Variants in CSMD3 observed in about 807,000 individuals in gnomAD.
CSMD3 encodes CUB and Sushi multiple domains 3, also known as CUB and sushi domain-containing protein 3.
Under a neutral mutation model 435.2 loss-of-function variants are expected in CSMD3, and 177 were observed. That is an observed-to-expected ratio of 0.41 (90% confidence interval 0.36 to 0.46). CSMD3 has a LOEUF of 0.46. Among genes scored for constraint, CSMD3 ranks in the 20% least tolerant of loss-of-function variants. CSMD3 has a pLI of 0.34. For missense variants in CSMD3, 4,265 were observed against 4,504.6 expected, an observed-to-expected ratio of 0.95 and a Z score of 1.52; for synonymous variants, 1,656 against 1,520.5, an observed-to-expected ratio of 1.09 and a Z score of -2.07.
intron 5 of CSMD3, among the ~76,000 whole-genome samples, chr8:113,051,166 C>T (rs886092444): frequency 1.3e-5 from 2 of 152,110 alleles, no homozygotes; most frequent in South Asian, 2.1e-4. Flanking sequence ...TAAATAAATG[C>T]TGTATTTCTG....
chr8:112,281,156 T>C lies in CSMD3; in HGVS notation c.9508+18A>G, dbSNP rs753898213. Reference sequence around the variant, plus strand: ...TTTCATATAATTACTGATTTTTAAATATTGAGAATATACTTACTTGTACAG... The same window carrying C: ...TTTCATATAATTACTGATTTTTAAACATTGAGAATATACTTACTTGTACAG... On this transcript the variant is annotated intron_variant, in intron 59 of 70. Transcript: ENST00000297405. The C allele has an allele frequency of 6.4e-7, 1 of 1,570,936 alleles. No individual in the cohort carries two copies.
chr8:112,765,328 C>A (rs144855806), intron 13 of CSMD3, among the ~76,000 whole-genome samples: 2 of 151,170 alleles, frequency 1.3e-5, no homozygotes, highest in Admixed American at 1.3e-4. Flanking sequence ...TTGAGAAATA[C>A]GGAAGGGCTG....
intron 1 of CSMD3, among the ~76,000 whole-genome samples, chr8:113,324,344 A>G (rs1434943332): frequency 6.6e-6 from 1 of 152,106 alleles, no homozygotes; most frequent in East Asian, 1.9e-4. Context: ...TTCATGGGCT[A>G]GGCCTAGGGT....
At chr8:113,374,849 C>CAATA (rs2094370904) in intron 1 of CSMD3, among the ~76,000 whole-genome samples, 1 of 21,014 alleles carries the variant, frequency 4.8e-5, no homozygotes, top group African/African-American at 1.2e-4. Flanking sequence ...AAAAAAAAAC[C>CAATA]AATAAAATGA....
chr8:112,855,931 G>A (rs2080644839), intron 11 of CSMD3, among the ~76,000 whole-genome samples: 1 of 150,244 alleles, frequency 6.7e-6, no homozygotes, highest in Non-Finnish European at 1.5e-5. Context: ...TTTTATTCCA[G>A]TTGGAGAAGT....
chr8:113,234,887 C>T (rs962432104), intron 3 of CSMD3, among the ~76,000 whole-genome samples: 3 of 152,028 alleles, frequency 2.0e-5, no homozygotes, highest in African/African-American at 7.2e-5. Flanking sequence ...TTTTCTGGGT[C>T]TGATTCTTTT....
chr8:112,866,826 TTAA>T (rs1470920434), intron 10 of CSMD3, among the ~76,000 whole-genome samples: 1 of 152,196 alleles, frequency 6.6e-6, no homozygotes, highest in Non-Finnish European at 1.5e-5. Flanking sequence ...TATTTTTTAC[TTAA>T]TAGTTTCTAT....
At chr8:112,435,385 C>CT (rs1446674062) in intron 32 of CSMD3, among the ~76,000 whole-genome samples, 2 of 151,936 alleles carry the variant, frequency 1.3e-5, no homozygotes, top group East Asian at 3.9e-4. Context: ...ACAATTGACA[C>CT]TTAGAATTAA....
chr8:112,540,006 AAGGGACTAATAACC>A (rs1247922181), intron 27 of CSMD3, among the ~76,000 whole-genome samples: 3 of 152,096 alleles, frequency 2.0e-5, no homozygotes, highest in Admixed American at 6.6e-5. Flanking sequence ...CCCATCTGAC[AAGGGACTAATAACC>A]AGAATATATA....
At chr8:112,360,983 G>A (rs916696924) in intron 38 of CSMD3, among the ~76,000 whole-genome samples, 1 of 151,734 alleles carries the variant, frequency 6.6e-6, no homozygotes, top group Non-Finnish European at 1.5e-5. Flanking sequence ...ATCTCCAAGT[G>A]GTTAAATATT....
intron 1 of CSMD3, among the ~76,000 whole-genome samples, chr8:113,339,387 C>T (rs1460944197): frequency 6.6e-6 from 1 of 151,918 alleles, no homozygotes; most frequent in Non-Finnish European, 1.5e-5. Flanking sequence ...ATCAAATATG[C>T]TGCCAAATGG....
At chr8:112,327,285 G>A (rs1463349308) in intron 45 of CSMD3, among the ~76,000 whole-genome samples, 1 of 152,000 alleles carries the variant, frequency 6.6e-6, no homozygotes, top group Non-Finnish European at 1.5e-5. Context: ...AAAATAAACA[G>A]GTCTGGTACA....
chr8:113,039,213 AT>A (rs1250866420), intron 5 of CSMD3, among the ~76,000 whole-genome samples: 1 of 152,050 alleles, frequency 6.6e-6, no homozygotes, highest in African/African-American at 2.4e-5. Flanking sequence ...TTGTATTTGC[AT>A]TTTTTCCTAC....
chr8:112,360,730 T>A (rs986828779), intron 38 of CSMD3, among the ~76,000 whole-genome samples: 10 of 151,928 alleles, frequency 6.6e-5, no homozygotes, highest in African/African-American at 1.9e-4. Context: ...AGGAACATAT[T>A]CCCTTCAATT....
chr8:112,448,811 T>C (rs1293042158), intron 32 of CSMD3, among the ~76,000 whole-genome samples: 9 of 150,954 alleles, frequency 6.0e-5, no homozygotes, highest in Admixed American at 5.9e-4. Flanking sequence ...TAGGATTAAT[T>C]GGTTTCTTAC....
intron 13 of CSMD3, among the ~76,000 whole-genome samples, chr8:112,797,108 A>G (rs949207823): frequency 3.7e-4 from 56 of 152,018 alleles, no homozygotes; most frequent in African/African-American, 1.4e-3. Context: ...GATTTAAAGC[A>G]GAAGTTCTAA....
intron 10 of CSMD3, among the ~76,000 whole-genome samples, chr8:112,896,804 A>G (rs1325370084): frequency 1.3e-5 from 2 of 151,492 alleles, no homozygotes; most frequent in African/African-American, 4.8e-5. Context: ...ATCTGAATAT[A>G]TATATCCATA....
intron 13 of CSMD3, among the ~76,000 whole-genome samples, chr8:112,703,510 T>C (rs571526594): frequency 1.3e-5 from 2 of 152,300 alleles, no homozygotes; most frequent in East Asian, 3.9e-4. Flanking sequence ...AACCCTAATT[T>C]TAAATTCAAT....
intron 13 of CSMD3, among the ~76,000 whole-genome samples, chr8:112,796,895 G>T (rs866759467): frequency 1.3e-5 from 2 of 152,058 alleles, no homozygotes; most frequent in Middle Eastern, 6.8e-3. Flanking sequence ...CAAGAGGTTG[G>T]TGGCATTTTA....
Sources: allele counts gnomAD v4.1 joint callset (sites outside exome capture counted in the v4.1 genomes callset), GRCh38; gene constraint gnomAD v4.1.1; transcripts MANE v1.5; gene names NCBI Gene and HGNC (gene_info 2026-07-23, HGNC 2026-07-21).